The following TBC1D5 variants were observed in gnomAD, a reference collection of about 807,000 sequenced individuals.
TBC1D5 encodes the protein TBC1 domain family member 5, also known as TBC1 domain family, member 5.
Under a neutral mutation model 100.3 loss-of-function variants are expected in TBC1D5, and 75 were observed. The observed-to-expected ratio is 0.75, with a 90% CI of 0.62 to 0.91. The LOEUF is 0.91. Ranked by LOEUF, TBC1D5 falls within the 40% of genes least tolerant of loss-of-function variation. The pLI, the probability that TBC1D5 is intolerant of heterozygous loss-of-function variation, is 0.00. For missense variants in TBC1D5, 910 were observed against 942.4 expected (o/e 0.97, Z 0.45); for synonymous variants, 323 against 325.6 (o/e 0.99, Z 0.09).
chr3:17,412,442 G>C (rs2093953399), intron 4 of TBC1D5, among the ~76,000 whole-genome samples: 1 of 152,112 alleles, frequency 6.6e-6, no homozygotes, highest in Admixed American at 6.6e-5. Context: ...CCCTTCTAGG[G>C]GAGAAGGATC....
intron 2 of TBC1D5, among the ~76,000 whole-genome samples, chr3:17,526,426 C>T (rs1187638445): frequency 1.3e-5 from 2 of 152,094 alleles, no homozygotes; most frequent in African/African-American, 4.8e-5. Context: ...CCCTATTTTG[C>T]CCAGGCTGAT....
chr3:17,372,355 T>C (rs2092509687), intron 12 of TBC1D5, 108 bp from the exon 13 acceptor site: 3 of 993,872 alleles, frequency 3.0e-6, no homozygotes, highest in Non-Finnish European at 1.4e-6. Context: ...ATTATCTGCC[T>C]ACTACTCATT....
At chr3:17,636,718 A>G (rs2063964194) in intron 1 of TBC1D5, among the ~76,000 whole-genome samples, 1 of 151,694 alleles carries the variant, frequency 6.6e-6, no homozygotes, top group African/African-American at 2.4e-5. Flanking sequence ...GGAGAATGGC[A>G]TGAACCCGGG....
At chr3:17,245,303 C>T (rs996867806) in intron 16 of TBC1D5, among the ~76,000 whole-genome samples, 1 of 152,134 alleles carries the variant, frequency 6.6e-6, no homozygotes, top group Non-Finnish European at 1.5e-5. Context: ...TGAAAGACTT[C>T]TATATCTAAT....
intron 13 of TBC1D5, among the ~76,000 whole-genome samples, chr3:17,329,990 C>T (rs2086676734): frequency 6.6e-6 from 1 of 152,152 alleles, no homozygotes; most frequent in Non-Finnish European, 1.5e-5. Context: ...GCTCCTCAAA[C>T]TCCATAAGAC....
At chr3:17,357,761 CTT>C (rs2091346097) in intron 13 of TBC1D5, among the ~76,000 whole-genome samples, 1 of 152,212 alleles carries the variant, frequency 6.6e-6, no homozygotes, top group South Asian at 2.1e-4. Flanking sequence ...ACTCAGTACT[CTT>C]GATCTGACTT....
chr3:17,644,996 G>A (rs1351843422), intron 1 of TBC1D5, among the ~76,000 whole-genome samples: 1 of 152,078 alleles, frequency 6.6e-6, no homozygotes, highest in Non-Finnish European at 1.5e-5. Context: ...TTTTATTTAA[G>A]AGTCTTAACT....
intron 1 of TBC1D5, among the ~76,000 whole-genome samples, chr3:17,632,377 T>G (rs1439591755): frequency 6.6e-6 from 1 of 152,218 alleles, no homozygotes; most frequent in East Asian, 1.9e-4. Flanking sequence ...AACCTGCTCC[T>G]TGTAAAGATG....
chr3:17,376,035 A>C (rs2092693687), intron 10 of TBC1D5, among the ~76,000 whole-genome samples: 1 of 152,182 alleles, frequency 6.6e-6, no homozygotes, highest in African/African-American at 2.4e-5. Flanking sequence ...ATTTGCAGGA[A>C]AGAATAAATG....
chr3:17,374,458 C>A lies in TBC1D5; in HGVS notation c.822+13G>T. The A allele has an allele frequency of 6.2e-7, 1 of 1,607,548 alleles. No homozygotes were observed. The highest frequency in any genetic ancestry group is 1.7e-5 in the Admixed American group (1 of 59,506). ...ATAGCATATACTGAAAAGATCTGTA[C>A]TATAAGATTTACCTTCTGACCATCA... On this transcript the variant is annotated intron_variant, in intron 12 of 21. Coordinates refer to ENST00000253692, the Ensembl canonical transcript of TBC1D5.
chr3:17,390,737 CT>C (rs2093327834), intron 8 of TBC1D5, among the ~76,000 whole-genome samples: 1 of 152,100 alleles, frequency 6.6e-6, no homozygotes, highest in Non-Finnish European at 1.5e-5. Context: ...TAATATCTTA[CT>C]GTGGTTTATT....
chr3:17,449,794 T>C (rs1017569418), intron 3 of TBC1D5, among the ~76,000 whole-genome samples: 1 of 152,160 alleles, frequency 6.6e-6, no homozygotes, highest in Admixed American at 6.5e-5. Context: ...AAGGGGCGGC[T>C]GTGGGAGCAG....
chr3:17,466,842 G>A (rs1219347462), intron 3 of TBC1D5, among the ~76,000 whole-genome samples: 6 of 151,478 alleles, frequency 4.0e-5, no homozygotes, highest in African/African-American at 1.5e-4. Context: ...TCTTCAACAG[G>A]AATATTAAGT....
Position 17,699,094 on chromosome 3 carries a change from G to A in TBC1D5, c.-101+40249C>T, listed in dbSNP as rs1388544869. Among the ~76,000 whole-genome samples the A allele has an allele frequency of 7.6e-4, 114 of 150,468 alleles. 2 individuals are homozygous for A. In the East Asian group the frequency reaches 0.012, roughly 16 times the overall value. Reference sequence around the variant, plus strand: ...TGCTGCTATAAAGACACATGCCCACGTATGTTTATTGCGGCATTATTCACA... The same window carrying A: ...TGCTGCTATAAAGACACATGCCCACATATGTTTATTGCGGCATTATTCACA... On this transcript the variant is annotated intron_variant, in intron 1 of 21. Coordinates refer to ENST00000253692, the Ensembl canonical transcript of TBC1D5.
chr3:17,700,207 T>C (rs1334181795), intron 1 of TBC1D5, among the ~76,000 whole-genome samples: 3 of 150,016 alleles, frequency 2.0e-5, no homozygotes, highest in African/African-American at 7.3e-5. Context: ...TTGACAAACC[T>C]GACAAAAACA....
intron 13 of TBC1D5, among the ~76,000 whole-genome samples, chr3:17,338,853 A>G (rs1413160101): frequency 6.6e-6 from 1 of 152,224 alleles, no homozygotes; most frequent in Non-Finnish European, 1.5e-5. Context: ...ATGAATGTCC[A>G]TCATCTAAAT....
At chr3:17,201,448 G>C (rs1275287557) in intron 18 of TBC1D5, among the ~76,000 whole-genome samples, 1 of 152,178 alleles carries the variant, frequency 6.6e-6, no homozygotes, top group Non-Finnish European at 1.5e-5. Flanking sequence ...GGGGCAGAAA[G>C]CTGGGAGGGT....
intron 18 of TBC1D5, among the ~76,000 whole-genome samples, chr3:17,198,910 C>G (rs723813): frequency 0.4 from 61,602 of 152,106 alleles, 13,156 homozygotes; most frequent in Middle Eastern, 0.5. Context: ...TCTCCCAGGC[C>G]ATTCTAACGT....
At chr3:17,347,951 T>C (rs536280884) in intron 13 of TBC1D5, among the ~76,000 whole-genome samples, 19 of 152,260 alleles carry the variant, frequency 1.2e-4, no homozygotes, top group African/African-American at 4.6e-4. Context: ...TGCAGTGAGC[T>C]ACGATCACAT....
Sources: gnomAD v4.1 joint callset for allele counts (sites outside exome capture counted in the v4.1 genomes callset) on GRCh38, gnomAD v4.1.1 for gene constraint, MANE v1.5 for transcripts, NCBI Gene and HGNC (gene_info 2026-07-23, HGNC 2026-07-21) for gene names.